Variants in GFI1B observed in about 807,000 individuals in gnomAD.
GFI1B encodes growth factor independent 1B transcriptional repressor, also known as zinc finger protein Gfi-1b.
In GFI1B, 20 loss-of-function variants were observed where a neutral mutation model predicts 35.3. The ratio of observed to expected loss-of-function variants is 0.57; its 90% CI spans 0.40 to 0.82. The LOEUF (loss-of-function observed/expected upper bound fraction) is 0.82, where lower values mean the gene tolerates loss of function less well. Among genes scored for constraint, GFI1B ranks in the 40% least tolerant of loss-of-function variants. GFI1B has a pLI of 0.00. For missense variants in GFI1B, 430 were observed against 446.3 expected, an observed-to-expected ratio of 0.96 and a Z score of 0.33; for synonymous variants, 178 against 177.6, an observed-to-expected ratio of 1.00 and a Z score of -0.02.
chr9:132,988,994 A>G, intron 4 of GFI1B, 67 bp from the exon 5 acceptor site: 2 of 1,506,774 alleles, frequency 1.3e-6, no homozygotes, highest in East Asian at 2.3e-5. Flanking sequence ...GGAAGAGACC[A>G]TGGGACCCCA....
chr9:132,991,065 C>T lies in GFI1B; in HGVS notation c.*15C>T, dbSNP rs1849279982. On this transcript the variant is annotated 3_prime_UTR_variant, in exon 7 of 7. Transcript: ENST00000372122. ...ATCTCAAGTGAGGCTGCGCCGGCTC[C>T]CAGCTCCTGGCCAGCCTGCCCTGCG... is the stretch of plus-strand genomic sequence containing the variant. The T allele has an allele frequency of 6.2e-7, 1 of 1,610,672 alleles. No individual in the cohort carries two copies. The highest frequency in any genetic ancestry group is 1.3e-5 in the African/African-American group (1 of 75,054).
intron 1 of GFI1B, among the ~76,000 whole-genome samples, chr9:132,958,958 T>A (rs1848324293): frequency 6.6e-6 from 1 of 152,104 alleles, no homozygotes; most frequent in Non-Finnish European, 1.5e-5. Context: ...GGCCCTCTGG[T>A]GAGGACAGAG....
intron 1 of GFI1B, chr9:132,945,769 C>T (rs1355783810): frequency 6.5e-6 from 1 of 153,792 alleles, no homozygotes; most frequent in African/African-American, 2.4e-5. Context: ...TTGCATCAAC[C>T]TAATAGAACC....
chr9:132,947,321 G>C (rs982001177), intron 1 of GFI1B: 1 of 151,618 alleles, frequency 6.6e-6, no homozygotes, highest in Non-Finnish European at 1.5e-5. Context: ...GCCACAGCAG[G>C]TGGACCAGGC....
chr9:132,955,310 G>C (rs1312600471), intron 1 of GFI1B, among the ~76,000 whole-genome samples: 1 of 151,326 alleles, frequency 6.6e-6, no homozygotes, highest in Admixed American at 6.6e-5. Flanking sequence ...TTTTTTTTGA[G>C]ACAGGGTCTT....
upstream of GFI1B, chr9:132,975,310 C>T (rs1380001240): frequency 6.6e-6 from 1 of 152,262 alleles, no homozygotes; most frequent in East Asian, 1.9e-4. Context: ...CCTTCCCTCC[C>T]CTTCCTTCAG....
At chr9:132,955,080 A>G (rs1848262860) in intron 1 of GFI1B, among the ~76,000 whole-genome samples, 1 of 152,100 alleles carries the variant, frequency 6.6e-6, no homozygotes, top group African/African-American at 2.4e-5. Context: ...CATATTTACC[A>G]TTGCTGGCAT....
At chr9:132,950,055 T>C (rs1466031118) in intron 1 of GFI1B, among the ~76,000 whole-genome samples, 1 of 152,260 alleles carries the variant, frequency 6.6e-6, no homozygotes, top group African/African-American at 2.4e-5. Context: ...GAACCTGCAG[T>C]GAGCCATGAT....
At chr9:132,962,207 A>ACT (rs1848378515) in intron 1 of GFI1B, among the ~76,000 whole-genome samples, 2 of 146,448 alleles carry the variant, frequency 1.4e-5, no homozygotes, top group Admixed American at 1.4e-4. Flanking sequence ...GTACCATCTC[A>ACT]GCTTTCTGCA....
intron 1 of GFI1B, among the ~76,000 whole-genome samples, chr9:132,947,558 T>C (rs11243943): frequency 0.22 from 32,698 of 151,774 alleles, 3,625 homozygotes; most frequent in African/African-American, 0.23. Flanking sequence ...TCTGTAATCC[T>C]AGCAATTTGG....
chr9:132,988,926 G>T, intron 4 of GFI1B, 135 bp from the exon 5 acceptor site: 1 of 819,748 alleles, frequency 1.2e-6, no homozygotes. Context: ...GCAAGCAGCA[G>T]AACTGGCAAT....
At position 132,988,471 on chromosome 9, in the gene GFI1B, G is replaced by T. The variant is rs1158398499; in HGVS notation, c.510+3G>T. 5.6e-6 allele frequency: 9 copies of T among 1,612,682 alleles called. No individual in the cohort carries two copies. Among genetic ancestry groups the T allele is most frequent in the Middle Eastern group, 1.6e-4 (1 of 6,084 alleles). On this transcript the variant is annotated splice_donor_region_variant and intron_variant, in intron 4 of 6. Transcript: ENST00000372122. ...ACCACTGTGTGAAGTGCAACAAGGT[G>T]GGCAGCGGGGGGTGTGGTGGGCACC...
At chr9:132,972,383 C>A (rs1392974200) in intron 1 of GFI1B, among the ~76,000 whole-genome samples, 2 of 152,174 alleles carry the variant, frequency 1.3e-5, no homozygotes, top group Non-Finnish European at 2.9e-5. Context: ...GATTGCACCA[C>A]TGCACTCCAG....
At chr9:132,948,579 A>T (rs1392469906) in intron 1 of GFI1B, among the ~76,000 whole-genome samples, 5 of 152,178 alleles carry the variant, frequency 3.3e-5, no homozygotes, top group Non-Finnish European at 7.3e-5. Flanking sequence ...TTTTGGCTTT[A>T]GCTTTCAGCT....
chr9:132,952,135 A>G (rs565261093), intron 1 of GFI1B: 1 of 152,028 alleles, frequency 6.6e-6, no homozygotes, highest in African/African-American at 2.4e-5. Flanking sequence ...GTGTTTTTTT[A>G]AAATTTTCAA....
Position 132,991,035 on chromosome 9 carries a change from G to A in GFI1B, c.978G>A (p.Gln326=), listed in dbSNP as rs780587813. 3 of 1,613,814 alleles carry A rather than the reference G, an allele frequency of 1.9e-6. No individual in the cohort carries two copies. Among genetic ancestry groups the A allele is most frequent in the Non-Finnish European group, 2.5e-6 (3 of 1,179,926 alleles). The change falls in exon 7 of 7, where the codon CAG becomes CAA. Residue 326 remains glutamine (Q), a synonymous_variant. Transcript: ENST00000372122. The part of the protein sequence containing the change: ...KVDLRRHRES[Q]HNLK ...ACCTGCGGCGGCACCGCGAGAGCCA[G>A]CACAATCTCAAGTGAGGCTGCGCCG...
intron 1 of GFI1B, among the ~76,000 whole-genome samples, chr9:132,958,401 G>T (rs1461860939): frequency 1.3e-5 from 2 of 152,176 alleles, no homozygotes; most frequent in Admixed American, 1.3e-4. Context: ...TTCTGAGAAG[G>T]CTTCAGGAAG....
chr9:132,982,266 T>C (rs1848853696), intron 1 of GFI1B, among the ~76,000 whole-genome samples: 1 of 152,158 alleles, frequency 6.6e-6, no homozygotes, highest in Admixed American at 6.5e-5. Context: ...AACCGTCCCT[T>C]TTAAGAGATA....
Position 132,982,012 on chromosome 9 carries a change from C to T in GFI1B, c.-21+3171C>T, listed in dbSNP as rs1453891363. Reference sequence around the variant, plus strand: ...AGGTGATCCGCCTGCCTTGGCCTCCCAAAGTGCTGGGATTACAGGCGTGAG... The same window carrying T: ...AGGTGATCCGCCTGCCTTGGCCTCCTAAAGTGCTGGGATTACAGGCGTGAG... On this transcript the variant is annotated intron_variant, in intron 1 of 6. Transcript: ENST00000372122. Among the ~76,000 whole-genome samples, 5 of 152,206 alleles carry T rather than the reference C, an allele frequency of 3.3e-5. No homozygotes were observed. In the East Asian group the frequency reaches 9.6e-4, roughly 29 times the overall value.
Sources: gnomAD v4.1 joint callset for allele counts (sites outside exome capture counted in the v4.1 genomes callset) on GRCh38, gnomAD v4.1.1 for gene constraint, MANE v1.5 for transcripts, NCBI Gene and HGNC (gene_info 2026-07-23, HGNC 2026-07-21) for gene names.